Variants in R3HDM1 observed in about 807,000 individuals in gnomAD.
R3HDM1 encodes the protein R3H domain-containing protein 1.
Under a neutral mutation model 141.1 loss-of-function variants are expected in R3HDM1, and 46 were observed. The ratio of observed to expected loss-of-function variants is 0.33; its 90% confidence interval spans 0.26 to 0.42. R3HDM1 has a LOEUF of 0.42. Among genes scored for constraint, R3HDM1 ranks in the 10% least tolerant of loss-of-function variants. The pLI is 1.00. For synonymous variants in R3HDM1, 435 were observed against 472.9 expected (o/e 0.92, Z 1.04); for missense variants, 1,184 against 1,368.3 (o/e 0.87, Z 2.12).
rs1333101081 is a variant in R3HDM1 at position 135,724,761 on chromosome 2, T to C, written c.*469T>C. On this transcript the variant is annotated 3_prime_UTR_variant, in exon 27 of 27. Transcript: ENST00000683871. The stretch of plus-strand genomic sequence containing the variant: ...AAACCATGTACTATCTCCTTGGGGG[T>C]TAGGGATGCTAAGAAGAGCCCACAA... 1 of 152,970 alleles carries C rather than the reference T, an allele frequency of 6.5e-6. No individual in the cohort carries two copies. Among genetic ancestry groups the C allele is most frequent in the East Asian group, 1.9e-4 (1 of 5,198 alleles). The allele number at this position is 152,970 out of a possible 1,614,324, so 9.5% of individuals were successfully genotyped here.
At chr2:135,604,545 C>T (rs967943571) in intron 2 of R3HDM1, among the ~76,000 whole-genome samples, 9 of 152,160 alleles carry the variant, frequency 5.9e-5, no homozygotes, top group Admixed American at 3.9e-4. Flanking sequence ...AGTCATCCTG[C>T]CTGACTCCCA....
rs559033332 is a variant in R3HDM1 at position 135,562,372 on chromosome 2, A to T, written c.-250+30739A>T. ...TCTGTAGTATATTAACAACATACTA[A>T]TTCTATCAAAAAAGAATTTAAAGTT... is the stretch of plus-strand genomic sequence containing the variant. On this transcript the variant is annotated intron_variant, in intron 1 of 26. Coordinates refer to ENST00000683871, the MANE Select transcript of R3HDM1 (RefSeq NM_001378107.1). Among the ~76,000 whole-genome samples, 4 of 152,332 alleles carry T rather than the reference A, an allele frequency of 2.6e-5. No individual in the cohort carries two copies. The East Asian group carries it at 7.7e-4, about 29-fold the overall frequency.
At chr2:135,534,039 G>A (rs1373356589) in intron 1 of R3HDM1, 3 of 984,532 alleles carry the variant, frequency 3.0e-6, no homozygotes, top group African/African-American at 3.5e-5. Flanking sequence ...AACACATTCT[G>A]TTACTGAAGA....
chr2:135,653,953 T>G (rs1251857796), intron 18 of R3HDM1, among the ~76,000 whole-genome samples: 8 of 152,186 alleles, frequency 5.3e-5, no homozygotes, highest in Admixed American at 5.2e-4. Flanking sequence ...GCATTTTGAT[T>G]TTTTTATTGA....
At chr2:135,607,587 G>A (rs2060184975) in intron 3 of R3HDM1, among the ~76,000 whole-genome samples, 1 of 152,136 alleles carries the variant, frequency 6.6e-6, no homozygotes. Flanking sequence ...GAGAAAATCT[G>A]CTAAAATTCT....
intron 1 of R3HDM1, among the ~76,000 whole-genome samples, chr2:135,559,324 C>G (rs1039765330): frequency 6.6e-6 from 1 of 151,978 alleles, no homozygotes; most frequent in African/African-American, 2.4e-5. Flanking sequence ...ACCATGTTGC[C>G]CAGGCTAGTC....
chr2:135,534,542 A>G lies in R3HDM1; in HGVS notation c.-250+2909A>G, dbSNP rs148650666. ...ATATAATAGTGTTCTTGGAATTTGT[A>G]TAGTTAAACAAATTTAAGGTTAGCA... On this transcript the variant is annotated intron_variant, in intron 1 of 26. Coordinates refer to ENST00000683871, the MANE Select transcript of R3HDM1 (RefSeq NM_001378107.1). Among the ~76,000 whole-genome samples the G allele has an allele frequency of 2.3e-4, 35 of 152,340 alleles. No individual in the cohort carries two copies. The East Asian group carries it at 6.2e-3, about 27-fold the overall frequency.
chr2:135,704,448 A>G (rs1350696225), intron 21 of R3HDM1, among the ~76,000 whole-genome samples: 1 of 150,368 alleles, frequency 6.7e-6, no homozygotes, highest in African/African-American at 2.4e-5. Flanking sequence ...ATTTTAAAGT[A>G]TTGTTTATAA....
At chr2:135,692,224 A>G (rs565127579) in intron 21 of R3HDM1, among the ~76,000 whole-genome samples, 4 of 151,234 alleles carry the variant, frequency 2.6e-5, no homozygotes, top group Admixed American at 1.3e-4. Flanking sequence ...TTTTTTTTCT[A>G]AGGTGAAGAT....
intron 21 of R3HDM1, among the ~76,000 whole-genome samples, chr2:135,695,481 T>A (rs777090822): frequency 6.6e-6 from 1 of 152,182 alleles, no homozygotes; most frequent in Non-Finnish European, 1.5e-5. Context: ...TTTGAGTAAG[T>A]GATGGTTGAA....
At chr2:135,546,378 T>G (rs562334209) in intron 1 of R3HDM1, among the ~76,000 whole-genome samples, 2 of 152,062 alleles carry the variant, frequency 1.3e-5, no homozygotes, top group African/African-American at 4.8e-5. Context: ...CTGAAGAGAA[T>G]AGAATAGATG....
intron 15 of R3HDM1, 141 bp downstream of exon 15, chr2:135,641,931 C>CAT: frequency 2.7e-6 from 3 of 1,103,810 alleles, no homozygotes; most frequent in Middle Eastern, 6.2e-4. Flanking sequence ...AACAAAAACA[C>CAT]TTAATGCTAG....
intron 18 of R3HDM1, among the ~76,000 whole-genome samples, chr2:135,657,817 G>T (rs1282135046): frequency 6.6e-6 from 1 of 152,178 alleles, no homozygotes; most frequent in Non-Finnish European, 1.5e-5. Flanking sequence ...AATACTAATA[G>T]CTCTGGAAGG....
chr2:135,607,775 T>G, intron 3 of R3HDM1: 1 of 875,390 alleles, frequency 1.1e-6, no homozygotes, highest in Non-Finnish European at 1.4e-6. Flanking sequence ...TGACCACTTT[T>G]GCATCATGGC....
At chr2:135,604,684 T>A (rs2059904111) in intron 2 of R3HDM1, 122 bp from the exon 3 acceptor site, 1 of 699,992 alleles carries the variant, frequency 1.4e-6, no homozygotes, top group Non-Finnish European at 2.3e-6. Flanking sequence ...CTCCTTGAAA[T>A]CAAGAATTTT....
chr2:135,655,740 C>G (rs375020298), intron 18 of R3HDM1, among the ~76,000 whole-genome samples: 1 of 151,970 alleles, frequency 6.6e-6, no homozygotes, highest in Non-Finnish European at 1.5e-5. Flanking sequence ...GTGATCCGCC[C>G]GCCTCGGCCT....
chr2:135,645,913 G>A (rs1003416331), intron 16 of R3HDM1, among the ~76,000 whole-genome samples: 4 of 152,280 alleles, frequency 2.6e-5, no homozygotes, highest in Non-Finnish European at 5.9e-5. Context: ...GAGATAGGCT[G>A]CTCAGGTTCT....
At chr2:135,723,902 A>G in intron 26 of R3HDM1, 35 bp from the exon 27 acceptor site, 4 of 1,526,100 alleles carry the variant, frequency 2.6e-6, no homozygotes, top group Non-Finnish European at 3.6e-6. Context: ...TTTTGGTAAC[A>G]GGAATGTATT....
At chr2:135,709,566 T>C in intron 22 of R3HDM1, 30 bp downstream of exon 22, 1 of 1,608,920 alleles carries the variant, frequency 6.2e-7, no homozygotes, top group South Asian at 1.1e-5. Context: ...AATAAGATGA[T>C]TGGTTCATAT....
Sources: allele counts gnomAD v4.1 joint callset (sites outside exome capture counted in the v4.1 genomes callset), GRCh38; gene constraint gnomAD v4.1.1; transcripts MANE v1.5; gene names NCBI Gene and HGNC (gene_info 2026-07-23, HGNC 2026-07-21).